Variants in FRMD4B observed in about 807,000 individuals in gnomAD.
FRMD4B encodes FERM domain containing 4B.
In FRMD4B, 74 loss-of-function variants were observed where a neutral mutation model predicts 141.5. That is an observed-to-expected ratio of 0.52 (90% CI 0.43 to 0.63). The LOEUF is 0.63. Ranked by LOEUF, FRMD4B falls within the 30% of genes least tolerant of loss-of-function variation. FRMD4B has a pLI of 0.00. For synonymous variants in FRMD4B, 506 were observed against 467.9 expected, an observed-to-expected ratio of 1.08 and a Z score of -1.05; for missense variants, 1,366 against 1,253.4, an observed-to-expected ratio of 1.09 and a Z score of -1.36.
At chr3:69,279,001 C>G (rs1329941740) in intron 5 of FRMD4B, among the ~76,000 whole-genome samples, 1 of 152,132 alleles carries the variant, frequency 6.6e-6, no homozygotes, top group East Asian at 1.9e-4. Flanking sequence ...TTATGTCTTA[C>G]AAAGTATCAT....
In FRMD4B at chr3:69,287,771, G is replaced by T; in HGVS notation, c.482C>A (p.Ala161Glu). The change falls in exon 5 of 23, where the codon GCA (alanine) becomes GAA (glutamate). Residue 161 changes from alanine to glutamate, a missense_variant. Transcript: ENST00000398540. ...KTTVELFFLN[A>E]KACVHKGQIE... is the part of the protein sequence containing the mutation. ...ACCTACCTTGTGCACACAGGCCTTT[G>T]CATTCAGGAAAAACAGCTCCACGGT... 6.3e-7 allele frequency: 1 copy of T among 1,597,266 alleles called. No homozygotes were observed. Among genetic ancestry groups the T allele is most frequent in the Non-Finnish European group, 8.6e-7 (1 of 1,165,656 alleles).
At chr3:69,494,578 T>A (rs1009633677) in intron 1 of FRMD4B, among the ~76,000 whole-genome samples, 6 of 151,960 alleles carry the variant, frequency 3.9e-5, no homozygotes, top group South Asian at 2.1e-4. Context: ...GTAGTCAAAG[T>A]CACAACAGAG....
chr3:69,350,417 G>A (rs961406636), intron 1 of FRMD4B, among the ~76,000 whole-genome samples: 21 of 152,260 alleles, frequency 1.4e-4, no homozygotes, highest in South Asian at 4.1e-4. Context: ...ACAGTGTGGC[G>A]ATTCCTCAGG....
intron 1 of FRMD4B, among the ~76,000 whole-genome samples, chr3:69,341,147 T>A (rs1191533977): frequency 6.6e-6 from 1 of 152,214 alleles, no homozygotes; most frequent in Non-Finnish European, 1.5e-5. Flanking sequence ...TAAAGCAAGA[T>A]GAGTGAGGCT....
intron 19 of FRMD4B, among the ~76,000 whole-genome samples, chr3:69,187,466 G>C (rs1357569446): frequency 6.6e-6 from 1 of 150,666 alleles, no homozygotes; most frequent in African/African-American, 2.4e-5. Context: ...TTGAACCCAG[G>C]AGGCGGACGT....
chr3:69,261,376 C>G (rs550288376), intron 5 of FRMD4B, among the ~76,000 whole-genome samples: 1 of 152,198 alleles, frequency 6.6e-6, no homozygotes, highest in Non-Finnish European at 1.5e-5. Flanking sequence ...TCTGGACACA[C>G]TATTATCTGA....
At chr3:69,362,650 C>A (rs6808107) in intron 1 of FRMD4B, among the ~76,000 whole-genome samples, 22,013 of 151,562 alleles carry the variant, frequency 0.15, 2,019 homozygotes, top group African/African-American at 0.24. Flanking sequence ...GCACTCCAGC[C>A]TGGGTGACAG....
intron 5 of FRMD4B, among the ~76,000 whole-genome samples, chr3:69,250,501 A>G (rs113247533): frequency 0.02 from 3,070 of 152,040 alleles, 101 homozygotes; most frequent in African/African-American, 0.07. Context: ...TCCTGGGATA[A>G]TTTTTTTCCC....
intron 1 of FRMD4B, among the ~76,000 whole-genome samples, chr3:69,481,930 A>G (rs1457329010): frequency 6.6e-6 from 1 of 152,248 alleles, no homozygotes; most frequent in Non-Finnish European, 1.5e-5. Flanking sequence ...AGAAGGAGAC[A>G]CAGGTAGAGC....
chr3:69,480,111 A>C (rs958729972), intron 1 of FRMD4B, among the ~76,000 whole-genome samples: 1 of 152,052 alleles, frequency 6.6e-6, no homozygotes, highest in African/African-American at 2.4e-5. Flanking sequence ...CATTCGTCTA[A>C]ATTTTTTTCA....
intron 7 of FRMD4B, among the ~76,000 whole-genome samples, chr3:69,233,211 T>C (rs1005067942): frequency 3.3e-5 from 5 of 152,030 alleles, no homozygotes; most frequent in African/African-American, 1.2e-4. Context: ...TTGGGGCTGG[T>C]TGCAGTGGCT....
chr3:69,209,043 GT>G (rs2093051367), intron 11 of FRMD4B, among the ~76,000 whole-genome samples: 2 of 151,864 alleles, frequency 1.3e-5, no homozygotes, highest in African/African-American at 4.8e-5. Context: ...ACTCAGGAGG[GT>G]GAGGCAGAAG....
chr3:69,517,896 C>T (rs1700790983), intron 1 of FRMD4B, among the ~76,000 whole-genome samples: 1 of 152,116 alleles, frequency 6.6e-6, no homozygotes, highest in African/African-American at 2.4e-5. Flanking sequence ...TGAACATCAC[C>T]CGGAGTGTTT....
chr3:69,529,492 T>C (rs1008039018), intron 1 of FRMD4B, among the ~76,000 whole-genome samples: 2 of 152,002 alleles, frequency 1.3e-5, no homozygotes, highest in African/African-American at 4.8e-5. Context: ...CTGCAACCAA[T>C]TCCCTTAACT....
intron 1 of FRMD4B, among the ~76,000 whole-genome samples, chr3:69,531,972 C>CT (rs1451863073): frequency 6.6e-6 from 1 of 152,170 alleles, no homozygotes; most frequent in Non-Finnish European, 1.5e-5. Context: ...CACTACACTA[C>CT]TTTTTTTCTC....
At chr3:69,470,615 G>A (rs972485840) in intron 1 of FRMD4B, among the ~76,000 whole-genome samples, 2 of 152,060 alleles carry the variant, frequency 1.3e-5, no homozygotes, top group African/African-American at 4.8e-5. Flanking sequence ...CCAATTGGTG[G>A]GCAATGGCCA....
chr3:69,349,045 A>T (rs954376101), intron 1 of FRMD4B, among the ~76,000 whole-genome samples: 3 of 152,244 alleles, frequency 2.0e-5, no homozygotes, highest in Admixed American at 1.3e-4. Flanking sequence ...CCCTGTTTGC[A>T]TATGACATGA....
intron 2 of FRMD4B, among the ~76,000 whole-genome samples, chr3:69,416,551 T>G (rs1704865308): frequency 6.6e-6 from 1 of 152,206 alleles, no homozygotes; most frequent in Non-Finnish European, 1.5e-5. Flanking sequence ...TAAATTATTA[T>G]ACTTTAAGTT....
chr3:69,349,574 T>C (rs1397540070), intron 1 of FRMD4B, among the ~76,000 whole-genome samples: 1 of 152,134 alleles, frequency 6.6e-6, no homozygotes. Flanking sequence ...CTTCAAACTA[T>C]ACTACAAGGC....
Sources: allele counts gnomAD v4.1 joint callset (sites outside exome capture counted in the v4.1 genomes callset), GRCh38; gene constraint gnomAD v4.1.1; transcripts MANE v1.5; gene names NCBI Gene and HGNC (gene_info 2026-07-23, HGNC 2026-07-21).